The following DESI1 variants were observed in gnomAD, a reference collection of about 807,000 sequenced individuals.
DESI1 encodes PPPDE peptidase domain containing 2.
In DESI1, 17 loss-of-function variants were observed where a neutral mutation model predicts 22.4. The observed-to-expected ratio is 0.76, with a 90% confidence interval of 0.52 to 1.14. The LOEUF (loss-of-function observed/expected upper bound fraction) is 1.14. Among genes scored for constraint, DESI1 ranks in the 50% most tolerant of loss-of-function variants. The pLI, the probability that DESI1 is intolerant of heterozygous loss-of-function variation, is 0.00. For missense variants in DESI1, 177 were observed against 208.9 expected, an observed-to-expected ratio of 0.85 and a Z score of 0.94; for synonymous variants, 92 against 84.2, an observed-to-expected ratio of 1.09 and a Z score of -0.51.
intron 1 of DESI1, among the ~76,000 whole-genome samples, chr22:41,613,385 T>G (rs531886704): frequency 3.3e-5 from 5 of 152,354 alleles, no homozygotes; most frequent in Non-Finnish European, 7.3e-5. Flanking sequence ...AAAGGCTAAC[T>G]CATTTCTTCT....
chr22:41,604,250 C>CAT, intron 3 of DESI1, 97 bp from the exon 4 acceptor site: 1 of 283,484 alleles, frequency 3.5e-6, no homozygotes, highest in Non-Finnish European at 6.1e-6. Context: ...TCTGTTCTGA[C>CAT]TTTTTTTTTT....
intron 3 of DESI1, among the ~76,000 whole-genome samples, chr22:41,606,773 CAAAAAAAAAAAAAAAA>C (rs67262006): frequency 3.2e-5 from 2 of 62,738 alleles, no homozygotes; most frequent in East Asian, 5.4e-4. Context: ...GACTCCATCT[CAAAAAAAAAAAAAAAA>C]AAAAAAAAAA....
rs1204166625 is a variant in DESI1, at chr22:41,604,056, T to TC, written c.277dup (p.Glu93GlyfsTer7). The TC allele has an allele frequency of 1.2e-6, 2 of 1,613,280 alleles. No homozygotes were observed. The highest frequency in any genetic ancestry group is 4.5e-5 in the East Asian group (2 of 44,816). On this transcript the variant is annotated frameshift_variant, in exon 4 of 6. Transcript: ENST00000263256. LOFTEE classifies it high-confidence loss of function. ...TGTCTCCACTCACCGGAACAGGGACTCCCCCAGGGAGGAGAGGTACTCCAG... is the reference window on the plus strand; with the variant it reads ...TGTCTCCACTCACCGGAACAGGGACTCCCCCCAGGGAGGAGAGGTACTCCAG...
chr22:41,606,825 G>C (rs932344112), intron 3 of DESI1, among the ~76,000 whole-genome samples: 1 of 150,232 alleles, frequency 6.7e-6, no homozygotes, highest in Non-Finnish European at 1.5e-5. Context: ...AAGGGTGTGG[G>C]CTTTAGTGTG....
At chr22:41,618,973 A>G (rs2067565869) in intron 1 of DESI1, among the ~76,000 whole-genome samples, 1 of 152,088 alleles carries the variant, frequency 6.6e-6, no homozygotes, top group Admixed American at 6.6e-5. Flanking sequence ...CTGAGGCAGG[A>G]GAATGGCGTG....
At chr22:41,601,282 G>A (rs2067448676) in intron 5 of DESI1, 92 bp from the exon 6 acceptor site, 2 of 1,210,052 alleles carry the variant, frequency 1.7e-6, no homozygotes, top group South Asian at 3.2e-5. Context: ...GAGGAGGAGT[G>A]GGCGCTGGTG....
chr22:41,617,324 T>C (rs757924817), intron 1 of DESI1, among the ~76,000 whole-genome samples: 1 of 152,208 alleles, frequency 6.6e-6, no homozygotes, highest in African/African-American at 2.4e-5. Context: ...ACAGGACTTA[T>C]CTCACAAAGT....
chr22:41,606,916 CA>C (rs2147041487), intron 3 of DESI1, among the ~76,000 whole-genome samples: 1 of 151,694 alleles, frequency 6.6e-6, no homozygotes, highest in South Asian at 2.1e-4. Context: ...GAGCCCTCAT[CA>C]TTCAGCTTAA....
intron 3 of DESI1, among the ~76,000 whole-genome samples, chr22:41,606,635 G>A (rs1601510503): frequency 6.6e-6 from 1 of 151,904 alleles, no homozygotes; most frequent in Non-Finnish European, 1.5e-5. Context: ...TTAGCTGGGT[G>A]TAGTGGCAGG....
intron 1 of DESI1, among the ~76,000 whole-genome samples, chr22:41,613,463 C>G (rs1004427971): frequency 6.6e-6 from 1 of 152,188 alleles, no homozygotes; most frequent in Non-Finnish European, 1.5e-5. Flanking sequence ...ATTCACGTGT[C>G]CTTCTCCCCA....
intron 5 of DESI1, chr22:41,602,213 C>G (rs1340784304): frequency 2.0e-6 from 2 of 985,272 alleles, no homozygotes; most frequent in Non-Finnish European, 2.4e-6. Context: ...ATGAAGTACT[C>G]CAAAGTATAG....
At chr22:41,602,694 T>C in intron 5 of DESI1, 5 of 988,408 alleles carry the variant, frequency 5.1e-6, no homozygotes, top group Non-Finnish European at 6.0e-6. Flanking sequence ...GCCTGGATGA[T>C]GGCCTGCAAG....
chr22:41,606,791 A>G (rs1187074408), intron 3 of DESI1, among the ~76,000 whole-genome samples: 4 of 151,680 alleles, frequency 2.6e-5, no homozygotes, highest in South Asian at 2.1e-4. Context: ...AAAAAAAAAA[A>G]AAAAAAAAAA....
At chr22:41,601,929 T>C (rs2067451916) in intron 5 of DESI1, 1 of 152,574 alleles carries the variant, frequency 6.6e-6, no homozygotes, top group Non-Finnish European at 1.5e-5. Context: ...GCCAGGCTGG[T>C]CTCGAACTCC....
At chr22:41,619,062 T>G (rs1349208880) in intron 1 of DESI1, among the ~76,000 whole-genome samples, 3 of 149,378 alleles carry the variant, frequency 2.0e-5, no homozygotes, top group African/African-American at 7.4e-5. Flanking sequence ...AGACTCCGTC[T>G]CAAAAAAAAA....
chr22:41,620,913 G>A lies in DESI1; in HGVS notation c.-74C>T. 3 of 1,535,214 alleles carry A rather than the reference G, an allele frequency of 2.0e-6. No individual in the cohort carries two copies. Among genetic ancestry groups the A allele is most frequent in the Middle Eastern group, 1.7e-4 (1 of 5,926 alleles). ...CGGCTTGGACCTTCCCGTACCCGAC[G>A]GGAGTGCGAAGCGGAGGGAGAGGGG... On this transcript the variant is annotated 5_prime_UTR_variant, in exon 1 of 6. Coordinates refer to ENST00000263256, the MANE Select transcript of DESI1 (RefSeq NM_015704.3).
intron 1 of DESI1, among the ~76,000 whole-genome samples, chr22:41,617,454 CAA>C (rs1191837696): frequency 6.6e-6 from 1 of 152,104 alleles, no homozygotes; most frequent in East Asian, 1.9e-4. Flanking sequence ...AATCAGGAAA[CAA>C]ATTGATTTTT....
intron 1 of DESI1, among the ~76,000 whole-genome samples, chr22:41,611,947 C>T (rs2067520232): frequency 6.6e-6 from 1 of 152,100 alleles, no homozygotes; most frequent in African/African-American, 2.4e-5. Flanking sequence ...GCTACGCTTA[C>T]AAGGAGGAAG....
chr22:41,604,053 G>A lies in DESI1; in HGVS notation c.281C>T (p.Ser94Phe), dbSNP rs753366815. The change falls in exon 4 of 6, where the codon TCC (serine) becomes TTC (phenylalanine). Residue 94 changes from serine (S) to phenylalanine (F), a missense_variant. By Grantham distance (155) the Ser-to-Phe change is radical (BLOSUM62 -2). Transcript: ENST00000263256. ...FLEYLSSLGE[S>F]LFRGEAYNLF... is the part of the protein sequence containing the mutation. ...CCCTGTCTCCACTCACCGGAACAGG[G>A]ACTCCCCCAGGGAGGAGAGGTACTC... is the stretch of plus-strand genomic sequence containing the variant. 5.6e-6 allele frequency: 9 copies of A among 1,612,970 alleles called. No individual in the cohort carries two copies. The Admixed American group carries it at 1.3e-4, about 24-fold the overall frequency.
Sources: allele counts gnomAD v4.1 joint callset (sites outside exome capture counted in the v4.1 genomes callset), GRCh38; gene constraint gnomAD v4.1.1; transcripts MANE v1.5; gene names NCBI Gene and HGNC (gene_info 2026-07-23, HGNC 2026-07-21).